FRAS1: variants seen among roughly 807,000 people sequenced by gnomAD.
FRAS1 encodes the protein extracellular matrix organizing protein FRAS1.
Under a neutral mutation model 435.2 loss-of-function variants are expected in FRAS1, and 290 were observed. The ratio of observed to expected loss-of-function variants is 0.67; its 90% CI spans 0.61 to 0.73. FRAS1 has a LOEUF of 0.73. Among genes scored for constraint, FRAS1 ranks in the 30% least tolerant of loss-of-function variants. The pLI is 0.00. For missense variants in FRAS1, 4,860 were observed against 5,001.5 expected (o/e 0.97, Z 0.85); for synonymous variants, 1,800 against 1,851.0 (o/e 0.97, Z 0.71).
chr4:78,445,698 A>G lies in FRAS1; in HGVS notation c.5842A>G (p.Asn1948Asp). The change falls in exon 42 of 74, where the codon AAT becomes GAT. Residue 1948 changes from asparagine (N) to aspartate (D), a missense_variant. Asn to Asp is a conservative substitution (Grantham distance 23). Transcript: ENST00000512123. ...CAGTCGTTCAGAAATTCACAGCATC[A>G]ATATCACCATTGAGGTAAAGACTTT... ...GTSRSEIHSI[N>D]ITIERKNDEP... The G allele has an allele frequency of 6.2e-7, 1 of 1,613,960 alleles. No individual in the cohort carries two copies. Among genetic ancestry groups the G allele is most frequent in the Non-Finnish European group, 8.5e-7 (1 of 1,179,856 alleles).
At chr4:78,455,236 T>C (rs1719152499) in intron 47 of FRAS1, among the ~76,000 whole-genome samples, 1 of 150,594 alleles carries the variant, frequency 6.6e-6, no homozygotes, top group South Asian at 2.1e-4. Flanking sequence ...TCCCCGGCTC[T>C]ACTAAAAATA....
At chr4:78,093,960 A>G (rs2109904184) in intron 2 of FRAS1, among the ~76,000 whole-genome samples, 1 of 152,212 alleles carries the variant, frequency 6.6e-6, no homozygotes, top group African/African-American at 2.4e-5. Context: ...CAGTTTATGA[A>G]GCTCACCCCC....
chr4:78,083,626 GTTTTTT>G (rs35633131), intron 2 of FRAS1, among the ~76,000 whole-genome samples: 30 of 108,290 alleles, frequency 2.8e-4, no homozygotes, highest in South Asian at 6.4e-4. Context: ...TGCAAGTTCT[GTTTTTT>G]TTTTTTTTTT....
chr4:78,297,342 G>T (rs1825417), intron 14 of FRAS1, among the ~76,000 whole-genome samples: 8,372 of 152,170 alleles, frequency 0.055, 803 homozygotes, highest in African/African-American at 0.19. Context: ...AATGGGTGTC[G>T]GTGTCCACTG....
intron 2 of FRAS1, among the ~76,000 whole-genome samples, chr4:78,201,416 GC>G (rs1389327170): frequency 6.6e-6 from 1 of 152,186 alleles, no homozygotes; most frequent in Non-Finnish European, 1.5e-5. Context: ...CGAAACTTTA[GC>G]CTAACCTTTG....
intron 2 of FRAS1, among the ~76,000 whole-genome samples, chr4:78,237,205 A>G (rs902444245): frequency 6.6e-5 from 10 of 152,156 alleles, no homozygotes; most frequent in African/African-American, 2.4e-4. Context: ...GTGAAACTTC[A>G]AGTCAGGGAG....
At position 78,145,255 on chromosome 4, in the gene FRAS1, A is replaced by T. The variant is rs2110003790; in HGVS notation, c.108+79239A>T. Among the ~76,000 whole-genome samples the T allele has an allele frequency of 2.0e-5, 3 of 152,188 alleles. No individual in the cohort carries two copies. In the South Asian group the frequency reaches 6.2e-4, roughly 32 times the overall value. On this transcript the variant is annotated intron_variant, in intron 2 of 73. Transcript: ENST00000512123. ...AAGTGAGGACTTTGCAGTACGCCTT[A>T]CTCTAGGTAGGCCACTCACAGAAGG...
At chr4:78,334,665 A>G (rs1256227156) in intron 19 of FRAS1, among the ~76,000 whole-genome samples, 1 of 152,146 alleles carries the variant, frequency 6.6e-6, no homozygotes, top group African/African-American at 2.4e-5. Flanking sequence ...CACCATGCCC[A>G]GCTGTCATAA....
intron 59 of FRAS1, among the ~76,000 whole-genome samples, chr4:78,492,932 A>G (rs1177646258): frequency 6.6e-6 from 1 of 152,262 alleles, no homozygotes; most frequent in Non-Finnish European, 1.5e-5. Flanking sequence ...AATATCCAGA[A>G]TCTATAAGAA....
intron 2 of FRAS1, among the ~76,000 whole-genome samples, chr4:78,077,197 AACAC>A (rs10535451): frequency 1.4e-4 from 21 of 149,770 alleles, no homozygotes; most frequent in South Asian, 2.1e-4. Context: ...GACACACAGA[AACAC>A]ACACACACAC....
In FRAS1 at chr4:78,090,637, G is replaced by A. The variant is rs776206515; in HGVS notation, c.108+24621G>A. 5.3e-5 allele frequency among the ~76,000 whole-genome samples: 8 copies of A among 152,110 alleles called. No homozygotes were observed. In the South Asian group the frequency reaches 6.2e-4, roughly 12 times the overall value. On this transcript the variant is annotated intron_variant, in intron 2 of 73. Transcript: ENST00000512123. ...CTCATCTGTGCTCGAGATCACTGAA[G>A]CTATACATCCACGCTATTCCTAAAG...
intron 2 of FRAS1, among the ~76,000 whole-genome samples, chr4:78,129,011 A>C (rs1367076024): frequency 6.6e-6 from 1 of 152,194 alleles, no homozygotes; most frequent in East Asian, 1.9e-4. Context: ...TTAAATAGGG[A>C]ATCCTTTCCC....
In FRAS1 at chr4:78,066,034, T is replaced by C. The variant is rs1393235938; in HGVS notation, c.108+18T>C. 2 of 1,579,188 alleles carry C rather than the reference T, an allele frequency of 1.3e-6. No homozygotes were observed. On this transcript the variant is annotated intron_variant, in intron 2 of 73. Transcript: ENST00000512123. ...TGTTGGCGGTAGGTCATTCTTTACA[T>C]ACTTGGTTTCTGTCATTTGAATGTA...
intron 2 of FRAS1, among the ~76,000 whole-genome samples, chr4:78,150,643 T>G (rs558982541): frequency 1.2e-4 from 18 of 152,306 alleles, no homozygotes; most frequent in African/African-American, 4.3e-4. Flanking sequence ...CGGATCACTT[T>G]GGTTAACTTT....
At chr4:78,272,793 A>G in intron 9 of FRAS1, among the ~76,000 whole-genome samples, 1 of 152,092 alleles carries the variant, frequency 6.6e-6, no homozygotes, top group Non-Finnish European at 1.5e-5. Flanking sequence ...TTGGCAATGC[A>G]GGCTCTTTTT....
chr4:78,141,925 G>A (rs1395614281), intron 2 of FRAS1, among the ~76,000 whole-genome samples: 1 of 152,128 alleles, frequency 6.6e-6, no homozygotes, highest in African/African-American at 2.4e-5. Context: ...GTACGTGGGA[G>A]CTAAGCTATG....
intron 40 of FRAS1, 51 bp downstream of exon 40, chr4:78,439,115 C>A (rs1734553513): frequency 1.3e-5 from 19 of 1,454,416 alleles, no homozygotes; most frequent in Non-Finnish European, 1.8e-5. Flanking sequence ...GAGCTGGAAT[C>A]CGTAGTAATG....
intron 2 of FRAS1, among the ~76,000 whole-genome samples, chr4:78,154,322 ATTG>A (rs1720792560): frequency 2.6e-5 from 4 of 152,144 alleles, no homozygotes; most frequent in African/African-American, 7.2e-5. Flanking sequence ...AGGTAATTGT[ATTG>A]CCTCTGTGTA....
chr4:78,487,429 A>T (rs1212452388), intron 58 of FRAS1, among the ~76,000 whole-genome samples: 1 of 151,986 alleles, frequency 6.6e-6, no homozygotes, highest in Non-Finnish European at 1.5e-5. Flanking sequence ...CCCCAAACAC[A>T]CACCTTTCCT....
Sources: allele counts gnomAD v4.1 joint callset (sites outside exome capture counted in the v4.1 genomes callset), GRCh38; gene constraint gnomAD v4.1.1; transcripts MANE v1.5; gene names NCBI Gene and HGNC (gene_info 2026-07-23, HGNC 2026-07-21).